PEBP4: variants seen among roughly 807,000 people sequenced by gnomAD.
PEBP4 encodes phosphatidylethanolamine binding protein 4.
PEBP4 carries 22 observed loss-of-function variants against 23.9 expected under a neutral mutation model. The observed-to-expected ratio is 0.92, with a 90% CI of 0.66 to 1.31. PEBP4 has a LOEUF of 1.31. Among genes scored for constraint, PEBP4 ranks in the 40% most tolerant of loss-of-function variants. PEBP4 has a pLI of 0.00. For missense variants in PEBP4, 324 were observed against 281.7 expected, an observed-to-expected ratio of 1.15 and a Z score of -1.07; for synonymous variants, 112 against 99.3, an observed-to-expected ratio of 1.13 and a Z score of -0.76.
intron 3 of PEBP4, among the ~76,000 whole-genome samples, chr8:22,871,092 C>G (rs535090010): frequency 3.9e-5 from 6 of 152,286 alleles, no homozygotes; most frequent in Admixed American, 2.6e-4. Flanking sequence ...ATCCTTTAAT[C>G]CACTGAAATG....
intron 4 of PEBP4, among the ~76,000 whole-genome samples, chr8:22,783,250 G>A (rs1332264633): frequency 1.3e-5 from 2 of 152,236 alleles, no homozygotes; most frequent in Non-Finnish European, 2.9e-5. Flanking sequence ...AGGGAGTGAT[G>A]CTTAGCAATG....
chr8:22,837,829 TCTG>T (rs897531436), intron 3 of PEBP4, among the ~76,000 whole-genome samples: 14 of 152,052 alleles, frequency 9.2e-5, no homozygotes, highest in African/African-American at 3.4e-4. Context: ...CCTTCCATAT[TCTG>T]CTATGTATTT....
chr8:22,845,454 T>C (rs1257692150), intron 3 of PEBP4, among the ~76,000 whole-genome samples: 1 of 151,604 alleles, frequency 6.6e-6, no homozygotes, highest in Non-Finnish European at 1.5e-5. Context: ...GCCTGGGAGG[T>C]TGAGGCTGCA....
intron 3 of PEBP4, among the ~76,000 whole-genome samples, chr8:22,899,146 G>A (rs887012188): frequency 2.0e-5 from 3 of 152,198 alleles, no homozygotes; most frequent in African/African-American, 7.2e-5. Context: ...TCAAAGCATT[G>A]TTGGGAAGAT....
intron 3 of PEBP4, among the ~76,000 whole-genome samples, chr8:22,867,769 C>A (rs1807935215): frequency 6.6e-6 from 1 of 152,210 alleles, no homozygotes; most frequent in Non-Finnish European, 1.5e-5. Flanking sequence ...ATGAAATTCA[C>A]CATCTGCCAC....
At chr8:22,844,342 C>T (rs1807384187) in intron 3 of PEBP4, among the ~76,000 whole-genome samples, 3 of 152,170 alleles carry the variant, frequency 2.0e-5, no homozygotes, top group South Asian at 2.1e-4. Context: ...CGGGTTCAAG[C>T]GATCCTCCTG....
At chr8:22,741,344 T>G (rs985158719) in intron 4 of PEBP4, among the ~76,000 whole-genome samples, 1 of 152,214 alleles carries the variant, frequency 6.6e-6, no homozygotes, top group Non-Finnish European at 1.5e-5. Flanking sequence ...AGAGTGAATG[T>G]GGCCCACCAG....
chr8:22,737,882 G>T (rs1012044800), intron 4 of PEBP4, among the ~76,000 whole-genome samples: 3 of 152,192 alleles, frequency 2.0e-5, no homozygotes, highest in Admixed American at 6.5e-5. Context: ...CCGTCCAAGT[G>T]TAAGGGTCAT....
At chr8:22,859,311 G>A (rs989243080) in intron 3 of PEBP4, among the ~76,000 whole-genome samples, 2 of 152,206 alleles carry the variant, frequency 1.3e-5, no homozygotes, top group African/African-American at 4.8e-5. Context: ...CGAGTGTTGA[G>A]CTTGCAGCAC....
At chr8:22,822,930 T>G (rs1806892155) in intron 3 of PEBP4, among the ~76,000 whole-genome samples, 1 of 151,984 alleles carries the variant, frequency 6.6e-6, no homozygotes, top group Non-Finnish European at 1.5e-5. Context: ...AGATGTTTTG[T>G]GAACATCACA....
chr8:22,743,349 C>T (rs1391289172), intron 4 of PEBP4, among the ~76,000 whole-genome samples: 1 of 152,228 alleles, frequency 6.6e-6, no homozygotes, highest in African/African-American at 2.4e-5. Context: ...GGGGCCTGAG[C>T]TCTTGCTGGA....
chr8:22,894,963 C>G (rs1044444441), intron 3 of PEBP4, among the ~76,000 whole-genome samples: 3 of 152,176 alleles, frequency 2.0e-5, no homozygotes, highest in Non-Finnish European at 2.9e-5. Context: ...CCTGGCTGCT[C>G]CTGACCTATT....
intron 3 of PEBP4, among the ~76,000 whole-genome samples, chr8:22,875,870 A>C (rs1104872): frequency 0.95 from 143,878 of 152,096 alleles, 68,406 homozygotes; most frequent in Non-Finnish European, 0.99. Context: ...TGCTCTTTCT[A>C]GATTTAGAAT....
intron 3 of PEBP4, among the ~76,000 whole-genome samples, chr8:22,844,346 C>A (rs1807384346): frequency 6.6e-6 from 1 of 152,288 alleles, no homozygotes; most frequent in South Asian, 2.1e-4. Flanking sequence ...TTCAAGCGAT[C>A]CTCCTGCCTC....
rs1585339039 is a variant in PEBP4 at position 22,910,923 on chromosome 8, C to A, written c.258+9261G>T. Among the ~76,000 whole-genome samples, 2 of 147,038 alleles carry A rather than the reference C, an allele frequency of 1.4e-5. 1 individual carries two copies. Among genetic ancestry groups the A allele is most frequent in the Admixed American group, 1.4e-4 (2 of 14,730 alleles). On this transcript the variant is annotated intron_variant, in intron 3 of 6. Coordinates refer to ENST00000256404, the MANE Select transcript of PEBP4 (RefSeq NM_144962.3). ...CAGAATGTGTGACACCAAGAGTGAG[C>A]CCTAATGTGAACTATGGATTTGGGT...
intron 4 of PEBP4, among the ~76,000 whole-genome samples, chr8:22,778,048 T>A (rs570684654): frequency 1.3e-5 from 2 of 152,258 alleles, no homozygotes; most frequent in Non-Finnish European, 2.9e-5. Context: ...GAAGCCCTCC[T>A]GGGCAGTGCC....
At chr8:22,818,008 T>G (rs1178405047) in intron 3 of PEBP4, among the ~76,000 whole-genome samples, 2 of 152,196 alleles carry the variant, frequency 1.3e-5, no homozygotes, top group East Asian at 3.8e-4. Flanking sequence ...ACCTGGGAAG[T>G]TCTGAGCGCT....
At position 22,860,608 on chromosome 8, in the gene PEBP4, C is replaced by G. The variant is rs189149849; in HGVS notation, c.259-42873G>C. Among the ~76,000 whole-genome samples the G allele has an allele frequency of 2.0e-3, 302 of 152,314 alleles. 3 individuals carry two copies. Among genetic ancestry groups the G allele is most frequent in the Non-Finnish European group, 1.4e-3 (94 of 68,034 alleles). On this transcript the variant is annotated intron_variant, in intron 3 of 6. Transcript: ENST00000256404. ...AATCTTCTACTGTGTGGATATACCA[C>G]GTTGTGTTTATGCATTCCCATCTTT...
At chr8:22,919,052 G>A (rs891954794) in intron 3 of PEBP4, among the ~76,000 whole-genome samples, 5 of 152,168 alleles carry the variant, frequency 3.3e-5, no homozygotes, top group Admixed American at 6.5e-5. Flanking sequence ...CATAACTTGC[G>A]AGCCATATCA....
Sources: gnomAD v4.1 joint callset for allele counts (sites outside exome capture counted in the v4.1 genomes callset) on GRCh38, gnomAD v4.1.1 for gene constraint, MANE v1.5 for transcripts, NCBI Gene and HGNC (gene_info 2026-07-23, HGNC 2026-07-21) for gene names.